Variants in KYAT3 observed in about 807,000 individuals in gnomAD.
KYAT3 encodes the protein kynurenine--oxoglutarate transaminase 3.
In KYAT3, 50 loss-of-function variants were observed where a neutral mutation model predicts 59.0. The observed-to-expected ratio is 0.85, with a 90% CI of 0.68 to 1.07. The LOEUF (loss-of-function observed/expected upper bound fraction) is 1.07, where lower values mean the gene tolerates loss of function less well. Ranked by LOEUF, KYAT3 falls within the 50% of genes least tolerant of loss-of-function variation. The pLI is 0.00. For missense variants in KYAT3, 497 were observed against 533.3 expected, an observed-to-expected ratio of 0.93 and a Z score of 0.67; for synonymous variants, 148 against 177.0, an observed-to-expected ratio of 0.84 and a Z score of 1.30.
At chr1:88,972,857 A>C (rs954507761) in intron 2 of KYAT3, among the ~76,000 whole-genome samples, 10 of 152,348 alleles carry the variant, frequency 6.6e-5, no homozygotes, top group Admixed American at 6.5e-4. Context: ...ATAATTGTGA[A>C]AAACATGGTG....
chr1:88,990,575 T>TA (rs1677732391), intron 1 of KYAT3, among the ~76,000 whole-genome samples: 1 of 152,232 alleles, frequency 6.6e-6, no homozygotes, highest in African/African-American at 2.4e-5. Flanking sequence ...TTTGACATCT[T>TA]ACAATCTCTC....
the KYAT3 span, among the ~76,000 whole-genome samples, chr1:88,922,860 G>A: frequency 1.3e-5 from 2 of 152,160 alleles, no homozygotes; most frequent in African/African-American, 2.4e-5. Context: ...TTAGTTCAGG[G>A]ATGGGTCAAT....
At chr1:88,950,373 C>T (rs916653699) in intron 10 of KYAT3, among the ~76,000 whole-genome samples, 6 of 152,120 alleles carry the variant, frequency 3.9e-5, no homozygotes, top group Non-Finnish European at 7.4e-5. Flanking sequence ...GGATCGATTG[C>T]CTTAGCCTGG....
chr1:88,978,191 T>C (rs1323292258), intron 2 of KYAT3, among the ~76,000 whole-genome samples: 3 of 152,248 alleles, frequency 2.0e-5, no homozygotes, highest in Non-Finnish European at 4.4e-5. Flanking sequence ...TTAGCACTTG[T>C]ACCACTTCCT....
At chr1:88,964,416 A>T (rs1023703831) in intron 5 of KYAT3, 2 of 156,236 alleles carry the variant, frequency 1.3e-5, no homozygotes, top group African/African-American at 4.8e-5. Flanking sequence ...ATTATATGCA[A>T]CAAAATGGAT....
intron 1 of KYAT3, among the ~76,000 whole-genome samples, chr1:88,991,363 G>C (rs1350862850): frequency 6.6e-6 from 1 of 152,212 alleles, no homozygotes; most frequent in Non-Finnish European, 1.5e-5. Context: ...AGAACATCTG[G>C]GTTAACTGCA....
At chr1:88,979,893 G>A (rs1676993404) in intron 2 of KYAT3, 2 of 152,146 alleles carry the variant, frequency 1.3e-5, no homozygotes, top group Non-Finnish European at 2.9e-5. Context: ...TTTATTCACA[G>A]TAGCCCCAAA....
At chr1:88,937,050 G>A (rs1057395787) in intron 13 of KYAT3, among the ~76,000 whole-genome samples, 4 of 152,190 alleles carry the variant, frequency 2.6e-5, no homozygotes, top group Admixed American at 2.0e-4. Flanking sequence ...CAGAGTCTGA[G>A]TGGGGTAAGT....
At chr1:88,984,538 T>TTTGTTAC (rs1186452757) in intron 2 of KYAT3, among the ~76,000 whole-genome samples, 2 of 152,168 alleles carry the variant, frequency 1.3e-5, no homozygotes, top group Admixed American at 6.5e-5. Context: ...CAACATATAG[T>TTTGTTAC]TTGTTACTTT....
the KYAT3 span, among the ~76,000 whole-genome samples, chr1:88,927,101 C>T: frequency 3.3e-5 from 5 of 152,138 alleles, no homozygotes; most frequent in Non-Finnish European, 5.9e-5. Flanking sequence ...TGGGTGGTTA[C>T]GCACCCTGGA....
rs1675296881 is a variant in KYAT3 at position 88,942,990 on chromosome 1, G to A, written c.1302+15C>T. On this transcript the variant is annotated intron_variant, in intron 13 of 13. Transcript: ENST00000260508. ...AGATACTATATATGTGTTTTCAATA[G>A]AGCAGGGAACTTACTTTAATGAAGC... is the stretch of plus-strand genomic sequence containing the variant. 2.6e-6 allele frequency: 4 copies of A among 1,555,510 alleles called. No homozygotes were observed. The highest frequency in any genetic ancestry group is 3.5e-6 in the Non-Finnish European group (4 of 1,127,468).
rs1223599549 is a variant in KYAT3, at chr1:88,964,873, A to T, written c.409T>A (p.Ser137Thr). The T allele has an allele frequency of 6.2e-7, 1 of 1,604,158 alleles. No individual in the cohort carries two copies. The highest frequency in any genetic ancestry group is 8.5e-7 in the Non-Finnish European group (1 of 1,177,380). ...AATGCTTGAATGGTGTTAAAAAGAG[A>T]TCCATATGCTCCTACTGTCACAAGG... ...EILVTVGAYG[S>T]LFNTIQALID... The change falls in exon 5 of 14, where the codon TCT becomes ACT. Residue 137 changes from serine to threonine, a missense_variant. Ser to Thr is a moderately conservative substitution (Grantham distance 58). Around this residue, in one of 2 missense-constraint regions of KYAT3, gnomAD observed 469 missense variants for 479.1 expected, o/e 0.98. Transcript: ENST00000260508.
chr1:88,960,535 A>C (rs1223698961), intron 8 of KYAT3, among the ~76,000 whole-genome samples: 2 of 152,216 alleles, frequency 1.3e-5, no homozygotes, highest in African/African-American at 4.8e-5. Context: ...GATGGTCATG[A>C]AAACTGACAT....
intron 2 of KYAT3, among the ~76,000 whole-genome samples, chr1:88,970,278 C>T (rs1022205652): frequency 1.1e-4 from 17 of 152,170 alleles, no homozygotes; most frequent in African/African-American, 3.6e-4. Context: ...GTCCTAGGTA[C>T]TGTTCTAAGT....
At chr1:88,962,672 T>C (rs1184253751) in intron 5 of KYAT3, among the ~76,000 whole-genome samples, 1 of 152,200 alleles carries the variant, frequency 6.6e-6, no homozygotes, top group African/African-American at 2.4e-5. Context: ...TTAATTTTTG[T>C]ATTTTTAGTA....
intron 2 of KYAT3, among the ~76,000 whole-genome samples, chr1:88,987,643 CT>C (rs926414830): frequency 3.9e-5 from 6 of 152,146 alleles, no homozygotes; most frequent in Admixed American, 3.3e-4. Flanking sequence ...GATTTTGCCT[CT>C]TTTTTTCTGT....
chr1:88,943,282 C>A, intron 12 of KYAT3, 68 bp downstream of exon 12: 1 of 1,065,158 alleles, frequency 9.4e-7, no homozygotes, highest in South Asian at 1.4e-5. Context: ...TCAAAGCATA[C>A]CAGCAGATTT....
chr1:88,949,070 A>G (rs767418465), intron 11 of KYAT3, 21 bp downstream of exon 11: 7 of 1,491,786 alleles, frequency 4.7e-6, no homozygotes, highest in Admixed American at 5.2e-5. Context: ...TATAGTTGAA[A>G]TAATAAAAGC....
chr1:88,989,625 G>A (rs1453878790), intron 1 of KYAT3, among the ~76,000 whole-genome samples: 1 of 152,146 alleles, frequency 6.6e-6, no homozygotes. Flanking sequence ...ATTGCATGAT[G>A]GAGGTAATGT....
Sources: gnomAD v4.1 joint callset for allele counts (sites outside exome capture counted in the v4.1 genomes callset) on GRCh38, gnomAD v4.1.1 for gene constraint, gnomAD v4.1.1 regional missense constraint, MANE v1.5 for transcripts, NCBI Gene and HGNC (gene_info 2026-07-23, HGNC 2026-07-21) for gene names.